PLAGL1: variants seen among roughly 807,000 people sequenced by gnomAD.
PLAGL1 encodes zinc finger protein PLAGL1.
Under a neutral mutation model 4.6 loss-of-function variants are expected in PLAGL1, and 1 was observed. The observed-to-expected ratio is 0.22, with a 90% CI of 0.08 to 1.03. The LOEUF (loss-of-function observed/expected upper bound fraction) is 1.03, where lower values mean the gene tolerates loss of function less well. Ranked by LOEUF, PLAGL1 falls within the 50% of genes least tolerant of loss-of-function variation. PLAGL1 has a pLI of 0.58. For missense variants in PLAGL1, 464 were observed against 570.4 expected, an observed-to-expected ratio of 0.81 and a Z score of 1.90; for synonymous variants, 240 against 237.8, an observed-to-expected ratio of 1.01 and a Z score of -0.08.
At chr6:144,049,456 T>C (rs1312282495) in intron 1 of PLAGL1, among the ~76,000 whole-genome samples, 1 of 152,216 alleles carries the variant, frequency 6.6e-6, no homozygotes, top group African/African-American at 2.4e-5. Flanking sequence ...AGGAAAGAGA[T>C]GTAATTGACT....
chr6:144,032,936 A>G (rs1030289873), intron 1 of PLAGL1, among the ~76,000 whole-genome samples: 6 of 152,184 alleles, frequency 3.9e-5, no homozygotes, highest in African/African-American at 1.4e-4. Flanking sequence ...GAGGGACACT[A>G]TATCGGGGCA....
rs181306888 is a variant in PLAGL1 at position 143,950,377 on chromosome 6, C to A, written c.-324-1917G>T. Among the ~76,000 whole-genome samples, 86 of 152,284 alleles carry A rather than the reference C, an allele frequency of 5.6e-4. 1 individual carries two copies. The highest frequency in any genetic ancestry group is 9.6e-4 in the Non-Finnish European group (65 of 68,012). ...CCCTATCTTGAGGAATCCTCAACAG[C>A]CCTGGTCACAAACAAAATAACTCCT... On this transcript the variant is annotated intron_variant, in intron 6 of 7. Coordinates refer to ENST00000674357, the MANE Select transcript of PLAGL1 (RefSeq NM_001317162.2). This position sits in a 1 kb window ranked among gnomAD's most constrained non-coding sequence, Gnocchi z 6.3.
Position 143,973,933 on chromosome 6 carries a change from G to A in PLAGL1, c.-543-4955C>T, listed in dbSNP as rs1392942184. Among the ~76,000 whole-genome samples, 1 of 152,220 alleles carries A rather than the reference G, an allele frequency of 6.6e-6. No individual in the cohort carries two copies. Among genetic ancestry groups the A allele is most frequent in the Non-Finnish European group, 1.5e-5 (1 of 68,034 alleles). ...TAAATTCTGTTTGTACAACAAAAGT[G>A]TGAACAGAGATATAACAGGTTTTTT... is the stretch of plus-strand genomic sequence containing the variant. On this transcript the variant is annotated intron_variant, in intron 2 of 7. Transcript: ENST00000674357. This position sits in a 1 kb window ranked among gnomAD's most constrained non-coding sequence, Gnocchi z 6.2.
At chr6:144,040,778 C>T in intron 1 of PLAGL1, among the ~76,000 whole-genome samples, 1 of 152,132 alleles carries the variant, frequency 6.6e-6, no homozygotes, top group East Asian at 1.9e-4. Flanking sequence ...GAGGCTGAGA[C>T]AGGAGAATTG....
intron 1 of PLAGL1, among the ~76,000 whole-genome samples, chr6:144,017,058 A>G (rs1795613264): frequency 6.6e-6 from 1 of 152,186 alleles, no homozygotes; most frequent in African/African-American, 2.4e-5. Context: ...TGGCATTTAC[A>G]GTCCTTCAAA....
chr6:143,966,247 A>C lies in PLAGL1; in HGVS notation c.-471-49T>G, dbSNP rs1784397645. ...TCAGAACCACTGAAAGTTGTTAATC[A>C]GGAGAGCAATATGTTCAGGCTTGTG... is the stretch of plus-strand genomic sequence containing the variant. On this transcript the variant is annotated intron_variant, in intron 3 of 7. Transcript: ENST00000674357. The surrounding 1 kb of genome is among the most constrained non-coding windows in gnomAD (Gnocchi z 6.0). The C allele has an allele frequency of 6.6e-6, 1 of 152,248 alleles. No individual in the cohort carries two copies. The highest frequency in any genetic ancestry group is 2.4e-5 in the African/African-American group (1 of 41,470). 9.4% of individuals were successfully genotyped at this position (152,248 alleles called of 1,614,324 possible).
chr6:143,960,888 A>T lies in PLAGL1; in HGVS notation c.-398-346T>A, dbSNP rs1160405395. 1 of 152,224 alleles carries T rather than the reference A, an allele frequency of 6.6e-6. No homozygotes were observed. The highest frequency in any genetic ancestry group is 1.5e-5 in the Non-Finnish European group (1 of 68,036). 9.4% of individuals were successfully genotyped at this position (152,224 alleles called of 1,614,324 possible). On this transcript the variant is annotated intron_variant, in intron 5 of 7. Transcript: ENST00000674357. The surrounding 1 kb of genome is among the most constrained non-coding windows in gnomAD (Gnocchi z 5.7). ...TAAAATACCATAAAACAGGTATGCAAATCTATGCAATAACAGAACCTAAAA... is the reference window on the plus strand; with the variant it reads ...TAAAATACCATAAAACAGGTATGCATATCTATGCAATAACAGAACCTAAAA...
rs1783749314 is a variant in PLAGL1 at position 143,963,282 on chromosome 6, C to A, written c.-399+1505G>T. ...ATCTCTATCTTCAATCCTGAACTTTCTTTCAAATTCCAGACTAATACATCT... is the reference window on the plus strand; with the variant it reads ...ATCTCTATCTTCAATCCTGAACTTTATTTCAAATTCCAGACTAATACATCT... On this transcript the variant is annotated intron_variant, in intron 5 of 7. Transcript: ENST00000674357. The surrounding 1 kb of genome is among the most constrained non-coding windows in gnomAD (Gnocchi z 6.1). Among the ~76,000 whole-genome samples the A allele has an allele frequency of 6.6e-6, 1 of 152,194 alleles. No individual in the cohort carries two copies. The highest frequency in any genetic ancestry group is 2.1e-4 in the South Asian group (1 of 4,836).
intron 1 of PLAGL1, among the ~76,000 whole-genome samples, chr6:144,038,992 C>T (rs1371064291): frequency 6.6e-6 from 1 of 152,046 alleles, no homozygotes; most frequent in African/African-American, 2.4e-5. Context: ...AAAAGAAAAC[C>T]ATGCCAAGAG....
rs992223175 is a variant in PLAGL1 at position 143,994,335 on chromosome 6, T to C, written c.-583-9161A>G. ...TTAAGACTTCACAGTGCATGGGATG[T>C]CCACATGTTCTGCACTGTGTCATCT... On this transcript the variant is annotated intron_variant, in intron 1 of 7. Coordinates refer to ENST00000674357, the MANE Select transcript of PLAGL1 (RefSeq NM_001317162.2). This position sits in a 1 kb window ranked among gnomAD's most constrained non-coding sequence, Gnocchi z 4.3. Among the ~76,000 whole-genome samples the C allele has an allele frequency of 2.6e-5, 4 of 152,260 alleles. No individual in the cohort carries two copies. The highest frequency in any genetic ancestry group is 9.6e-5 in the African/African-American group (4 of 41,468).
In PLAGL1 at chr6:144,006,364, A is replaced by C. The variant is rs1451310036; in HGVS notation, c.-584+1726T>G. 6.6e-6 allele frequency: 1 copy of C among 152,188 alleles called. No homozygotes were observed. Among genetic ancestry groups the C allele is most frequent in the African/African-American group, 2.4e-5 (1 of 41,440 alleles). 9.4% of individuals were successfully genotyped at this position (152,188 alleles called of 1,614,324 possible). A position where few individuals can be genotyped will look rare whatever the true frequency, so the allele number is the denominator to read the frequency against. ...TCATTTAACAAAGAGTTACAAAGCA[A>C]ACACCCATGTAACCATTGCACAGGT... is the stretch of plus-strand genomic sequence containing the variant. On this transcript the variant is annotated intron_variant, in intron 1 of 7. Coordinates refer to ENST00000674357, the MANE Select transcript of PLAGL1 (RefSeq NM_001317162.2). The surrounding 1 kb of genome is among the most constrained non-coding windows in gnomAD (Gnocchi z 4.3).
rs1199678242 is a variant in PLAGL1, at chr6:143,947,791, A to G, written c.152+194T>C. On this transcript the variant is annotated intron_variant, in intron 7 of 7. Coordinates refer to ENST00000674357, the MANE Select transcript of PLAGL1 (RefSeq NM_001317162.2). The surrounding 1 kb of genome is among the most constrained non-coding windows in gnomAD (Gnocchi z 4.3). The stretch of plus-strand genomic sequence containing the variant: ...GTGCATAAAAAATCTCTGTTGAAAG[A>G]ATGAACTGACACTGCACAACAAGAC... 6.6e-6 allele frequency among the ~76,000 whole-genome samples: 1 copy of G among 152,206 alleles called. No homozygotes were observed. The highest frequency in any genetic ancestry group is 1.5e-5 in the Non-Finnish European group (1 of 68,038).
rs1311106438 is a variant in PLAGL1 at position 144,039,034 on chromosome 6, T to C, written c.-151+25434A>G. On this transcript the variant is annotated intron_variant, in intron 1 of 3. Coordinates refer to the PLAGL1 transcript ENST00000437412. The surrounding 1 kb of genome is among the most constrained non-coding windows in gnomAD (Gnocchi z 4.1). ...CATAAAAATTGCTGAGAGCCAGTAA[T>C]ATAGAAAATAAATATCAGAAGTAGC... 2.6e-5 allele frequency among the ~76,000 whole-genome samples: 4 copies of C among 152,068 alleles called. No homozygotes were observed. Among genetic ancestry groups the C allele is most frequent in the Non-Finnish European group, 4.4e-5 (3 of 68,004 alleles).
intron 1 of PLAGL1, among the ~76,000 whole-genome samples, chr6:144,021,400 T>C (rs1169315956): frequency 6.6e-6 from 1 of 152,208 alleles, no homozygotes; most frequent in African/African-American, 2.4e-5. Flanking sequence ...TTTAAGGTAT[T>C]GTACACTTTG....
chr6:143,944,590 A>G (rs1779347599), intron 7 of PLAGL1, among the ~76,000 whole-genome samples: 1 of 152,160 alleles, frequency 6.6e-6, no homozygotes, highest in South Asian at 2.1e-4. Context: ...TGGGCATCTG[A>G]GAAACCAGAT....
In PLAGL1 at chr6:144,059,694, C is replaced by T. The variant is rs1799242474; in HGVS notation, c.-151+4774G>A. On this transcript the variant is annotated intron_variant, in intron 1 of 3. Transcript: ENST00000437412. The surrounding 1 kb of genome is among the most constrained non-coding windows in gnomAD (Gnocchi z 4.9). ...CATAGCCACTCACTAAATCTATCAC[C>T]TATTGTGAATTTAAGGGAGTCTTGT... Among the ~76,000 whole-genome samples the T allele has an allele frequency of 6.6e-6, 1 of 152,182 alleles. No homozygotes were observed. The highest frequency in any genetic ancestry group is 1.5e-5 in the Non-Finnish European group (1 of 68,026).
rs1316597434 is a variant in PLAGL1, at chr6:144,027,898, AGT to A, written c.-151+36568_-151+36569del. On this transcript the variant is annotated intron_variant, in intron 1 of 3. Coordinates refer to the PLAGL1 transcript ENST00000437412. This position sits in a 1 kb window ranked among gnomAD's most constrained non-coding sequence, Gnocchi z 5.8. ...TGCTGATGCTCCCCAATTTTCTCAG[AGT>A]GTCTTTCATTTTGATATGAGAATAA... 6.6e-6 allele frequency among the ~76,000 whole-genome samples: 1 copy of A among 152,196 alleles called. No homozygotes were observed. Among genetic ancestry groups the A allele is most frequent in the Non-Finnish European group, 1.5e-5 (1 of 68,032 alleles).
intron 7 of PLAGL1, among the ~76,000 whole-genome samples, chr6:143,943,825 A>G (rs1470368840): frequency 6.6e-6 from 1 of 152,244 alleles, no homozygotes; most frequent in Non-Finnish European, 1.5e-5. Flanking sequence ...TGAAGCAGAA[A>G]TTAGTTATGG....
intron 6 of PLAGL1, among the ~76,000 whole-genome samples, chr6:143,951,822 G>A (rs1658889175): frequency 6.6e-6 from 1 of 152,148 alleles, no homozygotes; most frequent in Non-Finnish European, 1.5e-5. Flanking sequence ...TTGAGTTCCA[G>A]GTCTGTGTGT....
Sources: allele counts gnomAD v4.1 joint callset (sites outside exome capture counted in the v4.1 genomes callset), GRCh38; gene constraint gnomAD v4.1.1; non-coding constraint Gnocchi (gnomAD v3.1); transcripts MANE v1.5; gene names NCBI Gene and HGNC (gene_info 2026-07-23, HGNC 2026-07-21).